Variants in ITPRIPL2 observed in about 807,000 individuals in gnomAD.
ITPRIPL2 encodes the protein ITPRIP like 2, also known as inositol 1,4,5-trisphosphate receptor-interacting protein-like 2.
In ITPRIPL2, 29 loss-of-function variants were observed where a neutral mutation model predicts 31.7. The observed-to-expected ratio is 0.91, with a 90% CI of 0.68 to 1.25. ITPRIPL2 has a LOEUF of 1.25. Ranked by LOEUF, ITPRIPL2 falls within the 50% of genes most tolerant of loss-of-function variation. ITPRIPL2 has a pLI of 0.00. For synonymous variants in ITPRIPL2, 344 were observed against 343.4 expected, an observed-to-expected ratio of 1.00 and a Z score of -0.02; for missense variants, 696 against 739.1, an observed-to-expected ratio of 0.94 and a Z score of 0.68.
In ITPRIPL2 at chr16:19,114,822, G is replaced by A; in HGVS notation, c.361G>A (p.Ala121Thr). The part of the protein sequence containing the change: ...LSPHVLGHSK[A>T]HVSRIVGELV... Reference sequence around the variant, plus strand: ...TCCGCACGTGTTGGGCCACAGCAAGGCGCACGTGAGCCGGATCGTGGGCGA... The same window carrying A: ...TCCGCACGTGTTGGGCCACAGCAAGACGCACGTGAGCCGGATCGTGGGCGA... Residue 121 changes from alanine (A) to threonine (T), a missense_variant, in exon 1 of 1, where the codon GCG becomes ACG. By Grantham distance (58) the Ala-to-Thr change is moderately conservative. Coordinates refer to ENST00000381440, the MANE Select transcript of ITPRIPL2 (RefSeq NM_001034841.4). 1.9e-6 allele frequency: 3 copies of A among 1,606,842 alleles called. No homozygotes were observed. The East Asian group carries it at 6.7e-5, about 36-fold the overall frequency.
rs3743956 is a variant in ITPRIPL2 at position 19,121,458 on chromosome 16, T to C, written c.*5389T>C. 0.13 allele frequency: 21,117 copies of C among 167,036 alleles called. 3,316 individuals carry two copies. Among genetic ancestry groups the C allele is most frequent in the African/African-American group, 0.39 (16,062 of 41,462 alleles). The allele number at this position is 167,036 out of a possible 1,614,324, so 10.3% of individuals were successfully genotyped here. ...TCAGATATGGTTCAGCTGCTACAAT[T>C]GTATGATTCAAAGGCAATTTAATCA... On this transcript the variant is annotated 3_prime_UTR_variant, in exon 1 of 1. Transcript: ENST00000381440.
Position 19,114,426 on chromosome 16 carries a change from T to G in ITPRIPL2, c.-36T>G. The G allele has an allele frequency of 7.2e-7, 1 of 1,383,018 alleles. No homozygotes were observed. The highest frequency in any genetic ancestry group is 1.7e-5 in the South Asian group (1 of 57,206). The allele number at this position is 1,383,018 out of a possible 1,614,324, so 85.7% of individuals were successfully genotyped here. On this transcript the variant is annotated 5_prime_UTR_variant, in exon 1 of 1. Transcript: ENST00000381440. ...TGGGTCGCCGCCGGGGCTTGCCCCC[T>G]GGGCTGCTCGGCCACCGCCGCCCCG... is the stretch of plus-strand genomic sequence containing the variant.
chr16:19,119,251 A>G lies in ITPRIPL2; in HGVS notation c.*3182A>G. 2.5e-6 allele frequency: 1 copy of G among 407,558 alleles called. No individual in the cohort carries two copies. The highest frequency in any genetic ancestry group is 3.6e-5 in the East Asian group (1 of 27,772). The allele number at this position is 407,558 out of a possible 1,614,324, so 25.2% of individuals were successfully genotyped here. On this transcript the variant is annotated 3_prime_UTR_variant, in exon 1 of 1. Coordinates refer to ENST00000381440, the MANE Select transcript of ITPRIPL2 (RefSeq NM_001034841.4). ...CTGGGGAAGGAGGACTTAAGATGAA[A>G]GTGAAGCAAGAGAGGGAAGGGGAAA...
rs1253697534 is a variant in ITPRIPL2, at chr16:19,116,365, C to G, written c.*296C>G. ...AGACGGATTCTGTAGAAGGATGTGGCTTTTAGAGAAGTCCAGTAGAAGAAG... is the reference window on the plus strand; with the variant it reads ...AGACGGATTCTGTAGAAGGATGTGGGTTTTAGAGAAGTCCAGTAGAAGAAG... On this transcript the variant is annotated 3_prime_UTR_variant, in exon 1 of 1. Coordinates refer to ENST00000381440, the MANE Select transcript of ITPRIPL2 (RefSeq NM_001034841.4). 2 of 355,190 alleles carry G rather than the reference C, an allele frequency of 5.6e-6. No individual in the cohort carries two copies. The highest frequency in any genetic ancestry group is 1.1e-5 in the Non-Finnish European group (2 of 189,468). The allele number at this position is 355,190 out of a possible 1,614,324, so 22.0% of individuals were successfully genotyped here.
In ITPRIPL2 at chr16:19,115,173, G is replaced by A. The variant is rs377492063; in HGVS notation, c.712G>A (p.Val238Met). 1.3e-5 allele frequency: 21 copies of A among 1,606,054 alleles called. No individual in the cohort carries two copies. In the African/African-American group the frequency reaches 2.3e-4, roughly 17 times the overall value. Residue 238 changes from valine (V) to methionine (M), a missense_variant, in exon 1 of 1, where the codon GTG (valine) becomes ATG (methionine). Physicochemically the swap from Val to Met is conservative, Grantham distance 21. Coordinates refer to ENST00000381440, the MANE Select transcript of ITPRIPL2 (RefSeq NM_001034841.4). ...CAAACCCTTTGCTGATGCCTTCTGC[G>A]TGGATGTGCGCGGGCGGCGTCACCT... Reference protein sequence around the residue: ...DCKPFADAFCVDVRGRRHLSA... With the variant: ...DCKPFADAFCMDVRGRRHLSA...
At position 19,115,114 on chromosome 16, in the gene ITPRIPL2, C is replaced by CG. The variant is rs1316445167; in HGVS notation, c.658dup (p.Ala220GlyfsTer15). On this transcript the variant is annotated frameshift_variant, in exon 1 of 1. Coordinates refer to ENST00000381440, the MANE Select transcript of ITPRIPL2 (RefSeq NM_001034841.4). LOFTEE classifies it high-confidence loss of function. Reference sequence around the variant, plus strand: ...GCCCTCAAGGCACCACCCTCACCATCGGGGGCCTCGGGGGGCCACTGGCTT... The same window carrying CG: ...GCCCTCAAGGCACCACCCTCACCATCGGGGGGCCTCGGGGGGCCACTGGCTT... 2.5e-6 allele frequency: 4 copies of CG among 1,601,430 alleles called. No individual in the cohort carries two copies. Among genetic ancestry groups the CG allele is most frequent in the Non-Finnish European group, 3.4e-6 (4 of 1,179,894 alleles).
chr16:19,118,837 T>A lies in ITPRIPL2; in HGVS notation c.*2768T>A. On this transcript the variant is annotated 3_prime_UTR_variant, in exon 1 of 1. Transcript: ENST00000381440. ...TGTACAACGGAAATAATATGGCATA[T>A]TAGCCAGGCATGATGGTTGCCCAAG... 2.4e-6 allele frequency: 1 copy of A among 411,180 alleles called. No homozygotes were observed. The highest frequency in any genetic ancestry group is 4.4e-6 in the Non-Finnish European group (1 of 225,232). The allele number at this position is 411,180 out of a possible 1,614,324, so 25.5% of individuals were successfully genotyped here. A position where few individuals can be genotyped will look rare whatever the true frequency, so the allele number is the denominator to read the frequency against.
rs1390604468 is a variant in ITPRIPL2 at position 19,115,283 on chromosome 16, T to C, written c.822T>C (p.Cys274=). The C allele has an allele frequency of 1.2e-6, 2 of 1,612,782 alleles. No homozygotes were observed. Among genetic ancestry groups the C allele is most frequent in the African/African-American group, 1.3e-5 (1 of 74,930 alleles). ...TGCGTTACAGCCTGGAGGGGCGCTGTCGGGTCACCTTGACCCCAGGTGGCC... is the reference window on the plus strand; with the variant it reads ...TGCGTTACAGCCTGGAGGGGCGCTGCCGGGTCACCTTGACCCCAGGTGGCC... ...ATVRYSLEGR[C]RVTLTPGGLE... is the part of the protein sequence containing the mutation. The change falls in exon 1 of 1, where the codon TGT becomes TGC. Residue 274 remains cysteine (C), a synonymous_variant. Transcript: ENST00000381440.
chr16:19,114,098 G>A lies in ITPRIPL2; in HGVS notation c.-364G>A. On this transcript the variant is annotated 5_prime_UTR_variant, in exon 1 of 1. Transcript: ENST00000381440. ...ACAGGGTCAGGCGCGGAGAGGAGCG[G>A]CGGGAGAGCCAGGAGGGCCGCCCAG... 2.5e-6 allele frequency: 1 copy of A among 397,080 alleles called. No individual in the cohort carries two copies. Among genetic ancestry groups the A allele is most frequent in the Non-Finnish European group, 4.4e-6 (1 of 225,056 alleles). The allele number at this position is 397,080 out of a possible 1,614,324, so 24.6% of individuals were successfully genotyped here.
chr16:19,120,957 A>T lies in ITPRIPL2; in HGVS notation c.*4888A>T, dbSNP rs1236688416. ...ATCCCTGTCTACATGGAGGAAGATG[A>T]TTCAGTGGTGGGGAAAATGAACCTC... On this transcript the variant is annotated 3_prime_UTR_variant, in exon 1 of 1. Coordinates refer to ENST00000381440, the MANE Select transcript of ITPRIPL2 (RefSeq NM_001034841.4). 2 of 166,774 alleles carry T rather than the reference A, an allele frequency of 1.2e-5. No individual in the cohort carries two copies. Among genetic ancestry groups the T allele is most frequent in the African/African-American group, 4.8e-5 (2 of 41,358 alleles). The allele number at this position is 166,774 out of a possible 1,614,324, so 10.3% of individuals were successfully genotyped here.
In ITPRIPL2 at chr16:19,115,035, A is replaced by G. The variant is rs1165812090; in HGVS notation, c.574A>G (p.Ser192Gly). 8 of 1,597,594 alleles carry G rather than the reference A, an allele frequency of 5.0e-6. No individual in the cohort carries two copies. In the African/African-American group the frequency reaches 1.1e-4, roughly 21 times the overall value. Reference sequence around the variant, plus strand: ...GCCGCTTGTGGCGCTGGAGCCACGGAGCCTGGGCGAGGAGCCAGCGCTGGC... The same window carrying G: ...GCCGCTTGTGGCGCTGGAGCCACGGGGCCTGGGCGAGGAGCCAGCGCTGGC... ...LPPLVALEPR[S>G]LGEEPALAPA... Residue 192 changes from serine to glycine, a missense_variant, in exon 1 of 1, where the codon AGC becomes GGC. Coordinates refer to ENST00000381440, the MANE Select transcript of ITPRIPL2 (RefSeq NM_001034841.4).
chr16:19,114,182 G>A lies in ITPRIPL2; in HGVS notation c.-280G>A, dbSNP rs1963398302. The A allele has an allele frequency of 3.0e-6, 1 of 330,924 alleles. No individual in the cohort carries two copies. Among genetic ancestry groups the A allele is most frequent in the Non-Finnish European group, 5.5e-6 (1 of 183,406 alleles). 20.5% of individuals were successfully genotyped at this position (330,924 alleles called of 1,614,324 possible). Reference sequence around the variant, plus strand: ...GCCGACGGCGGCGCGCGGGGGCGCCGGGCGGGGAGGGCCGCTGGGCCGGAC... The same window carrying A: ...GCCGACGGCGGCGCGCGGGGGCGCCAGGCGGGGAGGGCCGCTGGGCCGGAC... On this transcript the variant is annotated 5_prime_UTR_variant, in exon 1 of 1. Transcript: ENST00000381440.
chr16:19,119,364 A>G lies in ITPRIPL2; in HGVS notation c.*3295A>G, dbSNP rs193238880. 320 of 260,078 alleles carry G rather than the reference A, an allele frequency of 1.2e-3. 3 individuals are homozygous for G. Among genetic ancestry groups the G allele is most frequent in the African/African-American group, 7.0e-3 (315 of 44,728 alleles). The allele number at this position is 260,078 out of a possible 1,614,324, so 16.1% of individuals were successfully genotyped here. ...ATTTCCAACCAGGGGTCGCAAACTC[A>G]GCAGCCTGTAGAAACAGGGGTGGGA... On this transcript the variant is annotated 3_prime_UTR_variant, in exon 1 of 1. Transcript: ENST00000381440.
chr16:19,116,472 A>C lies in ITPRIPL2; in HGVS notation c.*403A>C. The C allele has an allele frequency of 5.2e-6, 1 of 193,788 alleles. No homozygotes were observed. Among genetic ancestry groups the C allele is most frequent in the Non-Finnish European group, 1.2e-5 (1 of 86,692 alleles). 12.0% of individuals were successfully genotyped at this position (193,788 alleles called of 1,614,324 possible). On this transcript the variant is annotated 3_prime_UTR_variant, in exon 1 of 1. Coordinates refer to ENST00000381440, the MANE Select transcript of ITPRIPL2 (RefSeq NM_001034841.4). ...GCCCAAATTAAAAAAAAACAAAACAAAACACTAAAGTTTTTGACACAATTA... is the reference window on the plus strand; with the variant it reads ...GCCCAAATTAAAAAAAAACAAAACACAACACTAAAGTTTTTGACACAATTA...
rs1963505046 is a variant in ITPRIPL2, at chr16:19,120,618, TA to T, written c.*4550del. ...CGCCTGGCTAATATATATATATATA[TA>T]TATATATTTTTTTTTTTTTTTTTTA... On this transcript the variant is annotated 3_prime_UTR_variant, in exon 1 of 1. Coordinates refer to ENST00000381440, the MANE Select transcript of ITPRIPL2 (RefSeq NM_001034841.4). The T allele has an allele frequency of 5.0e-5, 6 of 120,794 alleles. No individual in the cohort carries two copies. Among genetic ancestry groups the T allele is most frequent in the African/African-American group, 2.3e-4 (6 of 25,962 alleles). The allele number at this position is 120,794 out of a possible 1,614,324, so 7.5% of individuals were successfully genotyped here.
Position 19,120,522 on chromosome 16 carries a change from C to T in ITPRIPL2, c.*4453C>T, listed in dbSNP as rs1458876861. 2 of 146,692 alleles carry T rather than the reference C, an allele frequency of 1.4e-5. No individual in the cohort carries two copies. The highest frequency in any genetic ancestry group is 2.2e-4 in the South Asian group (1 of 4,648). 9.1% of individuals were successfully genotyped at this position (146,692 alleles called of 1,614,324 possible). On this transcript the variant is annotated 3_prime_UTR_variant, in exon 1 of 1. Coordinates refer to ENST00000381440, the MANE Select transcript of ITPRIPL2 (RefSeq NM_001034841.4). The stretch of plus-strand genomic sequence containing the variant: ...GATGATCTTGGCTCACTGCAATCTC[C>T]TCCTCCCAGGTTCAAGTGATTCTTG...
At position 19,115,893 on chromosome 16, in the gene ITPRIPL2, G is replaced by T. The variant is rs1472461321; in HGVS notation, c.1432G>T (p.Val478Phe). The T allele has an allele frequency of 6.2e-7, 1 of 1,611,906 alleles. No homozygotes were observed. The highest frequency in any genetic ancestry group is 1.3e-5 in the African/African-American group (1 of 75,072). Residue 478 changes from valine (V) to phenylalanine (F), a missense_variant, in exon 1 of 1, where the codon GTT (valine) becomes TTT (phenylalanine). By Grantham distance (50) the Val-to-Phe change is conservative. Coordinates refer to ENST00000381440, the MANE Select transcript of ITPRIPL2 (RefSeq NM_001034841.4). ...LPKALREAAP[V>F]DLLAAFDGHA... The stretch of plus-strand genomic sequence containing the variant: ...CAAGGCACTGAGGGAAGCCGCCCCA[G>T]TTGACCTCCTGGCCGCTTTCGACGG...
rs1434605705 is a variant in ITPRIPL2, at chr16:19,115,084, T to A, written c.623T>A (p.Leu208Ter). 1.3e-6 allele frequency: 2 copies of A among 1,599,826 alleles called. No homozygotes were observed. Among genetic ancestry groups the A allele is most frequent in the Non-Finnish European group, 1.7e-6 (2 of 1,179,688 alleles). ...ALAPAFRGCFLCALKAPPSPS... is the reference protein window; with the variant it reads ...ALAPAFRGCF ...GCCCCGGCCTTCCGCGGCTGCTTCT[T>A]GTGCGCCCTCAAGGCACCACCCTCA... The change falls in exon 1 of 1, where the codon TTG (leucine) becomes TAG (stop). Residue 208 changes from leucine to a stop codon, truncating the protein, a stop_gained. Transcript: ENST00000381440. LOFTEE classifies it high-confidence loss of function.
Position 19,116,091 on chromosome 16 carries a change from G to T in ITPRIPL2, c.*22G>T. On this transcript the variant is annotated 3_prime_UTR_variant, in exon 1 of 1. Transcript: ENST00000381440. ...GTAAACCCTGACAGCACCCCCACCTGACCAAATGCTCCTAAAGCCTTTCCC... is the reference window on the plus strand; with the variant it reads ...GTAAACCCTGACAGCACCCCCACCTTACCAAATGCTCCTAAAGCCTTTCCC... 2 of 1,541,690 alleles carry T rather than the reference G, an allele frequency of 1.3e-6. No individual in the cohort carries two copies. The highest frequency in any genetic ancestry group is 1.2e-5 in the South Asian group (1 of 80,176).
Sources: gnomAD v4.1 joint callset for allele counts on GRCh38, gnomAD v4.1.1 for gene constraint, MANE v1.5 for transcripts, NCBI Gene and HGNC (gene_info 2026-07-23, HGNC 2026-07-21) for gene names.